The following FGD5 variants were observed in gnomAD, a reference collection of about 807,000 sequenced individuals.
The protein encoded by FGD5 is FYVE, RhoGEF and PH domain containing 5.
A neutral mutation model predicts 133.4 loss-of-function variants in FGD5; 28 were observed. That is an observed-to-expected ratio of 0.21 (90% CI 0.16 to 0.29). FGD5 has a LOEUF of 0.29. Ranked by LOEUF, FGD5 falls within the 10% of genes least tolerant of loss-of-function variation. The pLI is 1.00. For missense variants in FGD5, 1,858 were observed against 1,895.2 expected, an observed-to-expected ratio of 0.98 and a Z score of 0.36; for synonymous variants, 810 against 776.5, an observed-to-expected ratio of 1.04 and a Z score of -0.72.
chr3:14,870,100 G>A (rs1006090638), intron 2 of FGD5, among the ~76,000 whole-genome samples: 1 of 152,086 alleles, frequency 6.6e-6, no homozygotes, highest in African/African-American at 2.4e-5. Context: ...GCTCTTGGAT[G>A]AGGAAGACAC....
chr3:14,933,341 A>G lies in FGD5; in HGVS notation c.*174A>G, dbSNP rs2125167313. 4.4e-6 allele frequency: 3 copies of G among 683,012 alleles called. No homozygotes were observed. Among genetic ancestry groups the G allele is most frequent in the Non-Finnish European group, 7.8e-6 (3 of 383,908 alleles). The allele number at this position is 683,012 out of a possible 1,614,324, so 42.3% of individuals were successfully genotyped here. On this transcript the variant is annotated 3_prime_UTR_variant, in exon 20 of 20. Transcript: ENST00000285046. ...CCTGCCCTTGCCAACATCTTCATGA[A>G]TGGAATCCTTAAGGGATATTTATGG...
chr3:14,844,214 AAAAATATATATATAT>A lies in FGD5; in HGVS notation c.2526-19912_2526-19898del, dbSNP rs1213737968. 9.0e-4 allele frequency among the ~76,000 whole-genome samples: 32 copies of A among 35,552 alleles called. 2 individuals carry two copies. Among genetic ancestry groups the A allele is most frequent in the Non-Finnish European group, 1.4e-3 (28 of 19,822 alleles). The allele number at this position is 35,552 out of a possible 152,430, so 23.3% of individuals were successfully genotyped here. A position where few individuals can be genotyped will look rare whatever the true frequency, so the allele number is the denominator to read the frequency against. On this transcript the variant is annotated intron_variant, in intron 1 of 19. Transcript: ENST00000285046. Reference sequence around the variant, plus strand: ...CATCTTAATAGGCATTAAAAAAAAAAAAAATATATATATATATATATATATATATATATATATATA... The same window carrying A: ...CATCTTAATAGGCATTAAAAAAAAAAATATATATATATATATATATATATA...
At chr3:14,869,037 G>A (rs1486260488) in intron 2 of FGD5, among the ~76,000 whole-genome samples, 4 of 152,198 alleles carry the variant, frequency 2.6e-5, no homozygotes, top group African/African-American at 9.7e-5. Flanking sequence ...GCTCACACCT[G>A]TAATCCCAGC....
chr3:14,886,727 T>TG (rs2037930936), intron 4 of FGD5, among the ~76,000 whole-genome samples: 1 of 152,254 alleles, frequency 6.6e-6, no homozygotes, highest in Non-Finnish European at 1.5e-5. Flanking sequence ...TTCATTTTCA[T>TG]GCGGCTCACA....
chr3:14,875,869 C>T lies in FGD5; in HGVS notation c.2659-4703C>T, dbSNP rs556096293. Among the ~76,000 whole-genome samples, 8 of 151,726 alleles carry T rather than the reference C, an allele frequency of 5.3e-5. No homozygotes were observed. The South Asian group carries it at 1.7e-3, about 32-fold the overall frequency. ...GCACAGGGCATTCAGATTGGAGTGCCCAGTGACCACAGGTGCAGGGGGACA... is the reference window on the plus strand; with the variant it reads ...GCACAGGGCATTCAGATTGGAGTGCTCAGTGACCACAGGTGCAGGGGGACA... On this transcript the variant is annotated intron_variant, in intron 2 of 19. Coordinates refer to ENST00000285046, the MANE Select transcript of FGD5 (RefSeq NM_152536.4).
intron 19 of FGD5, 105 bp downstream of exon 19, chr3:14,932,836 T>G: frequency 7.5e-7 from 1 of 1,333,232 alleles, no homozygotes. Flanking sequence ...TCCTATCCCA[T>G]TAGGTCCCTT....
At position 14,819,127 on chromosome 3, in the gene FGD5, A is replaced by T. The variant is rs2036429116; in HGVS notation, c.56A>T (p.Asn19Ile). 1 of 1,550,962 alleles carries T rather than the reference A, an allele frequency of 6.4e-7. No homozygotes were observed. Among genetic ancestry groups the T allele is most frequent in the African/African-American group, 1.4e-5 (1 of 73,140 alleles). ...CCCAAGCCCAGGCTGACTGCCCCAA[A>T]CGAGTGGAGAGCCAGTGTGTACCTG... ...IAPKPRLTAP[N>I]EWRASVYLND... The change falls in exon 1 of 20, where the codon AAC becomes ATC. Residue 19 changes from asparagine (N) to isoleucine (I), a missense_variant. This residue lies in a region of FGD5 where 29 missense variants were observed against 27.6 expected (regional missense o/e 1.05). Transcript: ENST00000285046. The surrounding 1 kb of genome is among the most constrained non-coding windows in gnomAD (Gnocchi z 4.1).
At chr3:14,843,529 G>A (rs1453985691) in intron 1 of FGD5, among the ~76,000 whole-genome samples, 2 of 152,086 alleles carry the variant, frequency 1.3e-5, no homozygotes, top group East Asian at 3.9e-4. Flanking sequence ...CAGATGCCAG[G>A]TAGCCCTGCT....
rs889043061 is a variant in FGD5, at chr3:14,917,619, A to G, written c.3489+287A>G. Among the ~76,000 whole-genome samples the G allele has an allele frequency of 1.1e-4, 17 of 151,760 alleles. No homozygotes were observed. Among genetic ancestry groups the G allele is most frequent in the African/African-American group, 4.1e-4 (17 of 41,208 alleles). On this transcript the variant is annotated intron_variant, in intron 12 of 19. Transcript: ENST00000285046. This position sits in a 1 kb window ranked among gnomAD's most constrained non-coding sequence, Gnocchi z 4.1. ...CTATGAGGAGGAAAATGCATAAGGA[A>G]GGGCCTGGGTTGGGGGAACAAGCAG...
chr3:14,878,419 A>C (rs1490923642), intron 2 of FGD5, among the ~76,000 whole-genome samples: 2 of 152,142 alleles, frequency 1.3e-5, no homozygotes, highest in African/African-American at 2.4e-5. Context: ...CGATTCTATA[A>C]ATTTTTTTTT....
intron 1 of FGD5, among the ~76,000 whole-genome samples, chr3:14,863,696 G>A (rs891639255): frequency 1.3e-5 from 2 of 152,188 alleles, no homozygotes; most frequent in African/African-American, 4.8e-5. Flanking sequence ...CCGGGACTAG[G>A]GGCTGGAACA....
At chr3:14,847,113 G>C (rs2037066035) in intron 1 of FGD5, among the ~76,000 whole-genome samples, 1 of 152,162 alleles carries the variant, frequency 6.6e-6, no homozygotes, top group Non-Finnish European at 1.5e-5. Flanking sequence ...AGTGTAGCCA[G>C]ATTATTAACA....
At chr3:14,907,618 C>G (rs2038365032) in intron 9 of FGD5, 22 bp from the exon 10 acceptor site, 1 of 1,611,748 alleles carries the variant, frequency 6.2e-7, no homozygotes, top group African/African-American at 1.3e-5. Context: ...CCATCTCTCC[C>G]TCACCCCATT....
intron 4 of FGD5, among the ~76,000 whole-genome samples, chr3:14,885,375 A>C (rs1222753305): frequency 6.6e-6 from 1 of 152,108 alleles, no homozygotes; most frequent in East Asian, 1.9e-4. Context: ...GTCGCGGTAG[A>C]TAACCTCAGT....
intron 4 of FGD5, among the ~76,000 whole-genome samples, chr3:14,893,752 CTTTTTTTTTTT>C (rs138741627): frequency 1.1e-5 from 1 of 95,056 alleles, no homozygotes; most frequent in Non-Finnish European, 1.9e-5. Flanking sequence ...TTTCTTTTTT[CTTTTTTTTTTT>C]TTTTTTTTTG....
intron 1 of FGD5, among the ~76,000 whole-genome samples, chr3:14,826,527 G>A (rs537706477): frequency 6.6e-6 from 1 of 152,192 alleles, no homozygotes; most frequent in Non-Finnish European, 1.5e-5. Flanking sequence ...TGACCTCTCT[G>A]TACCTCAGTG....
intron 1 of FGD5, among the ~76,000 whole-genome samples, chr3:14,842,024 C>T (rs1287974891): frequency 3.3e-5 from 5 of 152,236 alleles, no homozygotes; most frequent in Admixed American, 2.6e-4. Context: ...GAAAAGGCAT[C>T]CCAGCTTGGG....
At chr3:14,878,513 C>A (rs1202337267) in intron 2 of FGD5, among the ~76,000 whole-genome samples, 1 of 152,176 alleles carries the variant, frequency 6.6e-6, no homozygotes. Context: ...GCCAATAATT[C>A]CATAGTGCTT....
At chr3:14,905,405 C>A (rs976293304) in intron 9 of FGD5, among the ~76,000 whole-genome samples, 1 of 152,040 alleles carries the variant, frequency 6.6e-6, no homozygotes, top group Non-Finnish European at 1.5e-5. Flanking sequence ...TCTTGAGCTT[C>A]TTGGATCTGT....
Sources: allele counts gnomAD v4.1 joint callset (sites outside exome capture counted in the v4.1 genomes callset), GRCh38; gene constraint gnomAD v4.1.1; regional missense constraint gnomAD v4.1.1; non-coding constraint Gnocchi (gnomAD v3.1); transcripts MANE v1.5; gene names NCBI Gene and HGNC (gene_info 2026-07-23, HGNC 2026-07-21).